BIRC6: variants seen among roughly 807,000 people sequenced by gnomAD.
BIRC6 encodes the protein dual E2 ubiquitin-conjugating enzyme/E3 ubiquitin-protein ligase BIRC6.
Under a neutral mutation model 503.3 loss-of-function variants are expected in BIRC6, and 98 were observed. The ratio of observed to expected loss-of-function variants is 0.19; its 90% CI spans 0.17 to 0.23. BIRC6 has a LOEUF of 0.23. Ranked by LOEUF, BIRC6 falls within the 10% of genes least tolerant of loss-of-function variation. The pLI is 1.00. For synonymous variants in BIRC6, 2,240 were observed against 2,078.7 expected (o/e 1.08, Z -2.11); for missense variants, 5,360 against 5,806.0 (o/e 0.92, Z 2.50).
chr2:32,478,406 AAATT>A (rs1367221794), intron 35 of BIRC6, among the ~76,000 whole-genome samples: 2 of 152,192 alleles, frequency 1.3e-5, no homozygotes, highest in African/African-American at 4.8e-5. Context: ...CTGTTCGTAG[AAATT>A]TAATTCTTAA....
At chr2:32,520,965 T>C (rs2055596428) in intron 57 of BIRC6, among the ~76,000 whole-genome samples, 7 of 152,198 alleles carry the variant, frequency 4.6e-5, no homozygotes, top group Admixed American at 4.6e-4. Flanking sequence ...TTTTAATTAG[T>C]CTTTACTGTG....
At chr2:32,509,702 C>T (rs1277602094) in intron 51 of BIRC6, 36 bp from the exon 52 acceptor site, 1 of 1,612,006 alleles carries the variant, frequency 6.2e-7, no homozygotes, top group East Asian at 2.2e-5. Flanking sequence ...ATTTGAGCGA[C>T]TTATATTGAT....
chr2:32,481,965 C>T (rs560818266), intron 38 of BIRC6, among the ~76,000 whole-genome samples: 1 of 152,068 alleles, frequency 6.6e-6, no homozygotes, highest in Non-Finnish European at 1.5e-5. Context: ...AGAAAACTTA[C>T]ATTTTTATTA....
intron 66 of BIRC6, among the ~76,000 whole-genome samples, chr2:32,583,921 G>A (rs930798784): frequency 6.6e-6 from 1 of 152,058 alleles, no homozygotes; most frequent in Admixed American, 6.6e-5. Flanking sequence ...TTGTAGAGAC[G>A]GAGGTTCGCC....
Position 32,357,131 on chromosome 2 carries a change from C to T in BIRC6, c.-31C>T, listed in dbSNP as rs567164357. On this transcript the variant is annotated 5_prime_UTR_variant, in exon 1 of 74. Coordinates refer to ENST00000421745, the MANE Select transcript of BIRC6 (RefSeq NM_016252.4). This position sits in a 1 kb window ranked among gnomAD's most constrained non-coding sequence, Gnocchi z 4.9. ...TGCGGGCGCCTGACTTCACTTCCGG[C>T]TAACGCGCTCGGCTTGCCCCCTGGC... The T allele has an allele frequency of 1.8e-5, 26 of 1,455,650 alleles. No individual in the cohort carries two copies. The highest frequency in any genetic ancestry group is 2.3e-5 in the Non-Finnish European group (26 of 1,117,824). 90.2% of individuals were successfully genotyped at this position (1,455,650 alleles called of 1,614,324 possible). A position where few individuals can be genotyped will look rare whatever the true frequency, so the allele number is the denominator to read the frequency against.
chr2:32,518,361 T>C lies in BIRC6; in HGVS notation c.11457T>C (p.Asp3819=), dbSNP rs2055285809. ...TATTTTTACAGTTGATGCTGGAAGA[T>C]GAGAAAGTGACAATGTTTCTTCAGT... The part of the protein sequence containing the change: ...RRLFLQLMLE[D]EKVTMFLQSP... Residue 3819 remains aspartate, a synonymous_variant, in exon 56 of 74, where the codon GAT becomes GAC. Transcript: ENST00000421745. The C allele has an allele frequency of 6.2e-7, 1 of 1,608,784 alleles. No individual in the cohort carries two copies.
chr2:32,374,639 A>G (rs1018168370), intron 1 of BIRC6, among the ~76,000 whole-genome samples: 5 of 151,104 alleles, frequency 3.3e-5, no homozygotes, highest in Admixed American at 2.0e-4. Flanking sequence ...CGCCCGGCTA[A>G]TTTTTTGTAT....
chr2:32,479,452 T>G lies in BIRC6; in HGVS notation c.7253-10T>G, dbSNP rs774576945. On this transcript the variant is annotated splice_polypyrimidine_tract_variant and intron_variant, in intron 36 of 73. Transcript: ENST00000421745. ...AAATTATTAAAACAGGACTATCCCCTTACATACAGGAGAATTACTGGCTCC... is the reference window on the plus strand; with the variant it reads ...AAATTATTAAAACAGGACTATCCCCGTACATACAGGAGAATTACTGGCTCC... The G allele has an allele frequency of 7.5e-6, 12 of 1,589,440 alleles. No homozygotes were observed. The highest frequency in any genetic ancestry group is 1.0e-5 in the Non-Finnish European group (12 of 1,166,922).
chr2:32,469,395 G>A lies in BIRC6; in HGVS notation c.6128G>A (p.Gly2043Glu), dbSNP rs1270754203. The A allele has an allele frequency of 6.2e-7, 1 of 1,609,514 alleles. No individual in the cohort carries two copies. Among genetic ancestry groups the A allele is most frequent in the Non-Finnish European group, 8.5e-7 (1 of 1,177,772 alleles). ...TLLSLLHASN[G>E]HSVPAVLQST... ...TTTACTGTTTTCTTTCTTGTAATAG[G>A]ACACTCTGTTCCTGCAGTTTTGCAG... Residue 2043 changes from glycine (G) to glutamate (E), a missense_variant and splice_region_variant, in exon 30 of 74, where the codon GGA becomes GAA. Around this residue, in one of 16 missense-constraint regions of BIRC6, gnomAD observed 2,299 missense variants for 2,267.2 expected, o/e 1.01. Coordinates refer to ENST00000421745, the MANE Select transcript of BIRC6 (RefSeq NM_016252.4).
At chr2:32,608,517 C>G (rs1478895872) in intron 72 of BIRC6, among the ~76,000 whole-genome samples, 2 of 152,074 alleles carry the variant, frequency 1.3e-5, no homozygotes, top group Non-Finnish European at 2.9e-5. Flanking sequence ...CAAGTTCAAG[C>G]TATTCTCCTG....
At chr2:32,467,388 A>T in intron 26 of BIRC6, 137 bp from the exon 27 acceptor site, 1 of 722,298 alleles carries the variant, frequency 1.4e-6, no homozygotes, top group Non-Finnish European at 2.2e-6. Flanking sequence ...GGCCATTTTT[A>T]CATATTTACT....
intron 9 of BIRC6, among the ~76,000 whole-genome samples, chr2:32,413,454 A>G (rs1382410628): frequency 6.6e-6 from 1 of 152,110 alleles, no homozygotes; most frequent in Non-Finnish European, 1.5e-5. Flanking sequence ...TGCTGGGATT[A>G]CAGGCATGAG....
At chr2:32,430,402 C>A (rs1386622465) in intron 11 of BIRC6, among the ~76,000 whole-genome samples, 1 of 152,130 alleles carries the variant, frequency 6.6e-6, no homozygotes, top group African/African-American at 2.4e-5. Flanking sequence ...GTAAGTATTT[C>A]TTTACCACAT....
chr2:32,454,025 T>A lies in BIRC6; in HGVS notation c.4753+83T>A, dbSNP rs564281019. ...TATTTATATATTTAAACATTATTTCTAATTATGTAATTTTCATTGCTGTTA... is the reference window on the plus strand; with the variant it reads ...TATTTATATATTTAAACATTATTTCAAATTATGTAATTTTCATTGCTGTTA... On this transcript the variant is annotated intron_variant, in intron 23 of 73. Transcript: ENST00000421745. 26 of 1,122,066 alleles carry A rather than the reference T, an allele frequency of 2.3e-5. 1 individual carries two copies. The South Asian group carries it at 4.4e-4, about 19-fold the overall frequency. The allele number at this position is 1,122,066 out of a possible 1,614,324, so 69.5% of individuals were successfully genotyped here. A position where few individuals can be genotyped will look rare whatever the true frequency, so the allele number is the denominator to read the frequency against.
At chr2:32,479,647 T>C in intron 37 of BIRC6, 30 bp downstream of exon 37, 1 of 1,493,790 alleles carries the variant, frequency 6.7e-7, no homozygotes, top group Non-Finnish European at 9.1e-7. Context: ...TTCTTCTTTA[T>C]TCTATTAAAT....
intron 1 of BIRC6, among the ~76,000 whole-genome samples, chr2:32,358,087 G>C (rs1455879613): frequency 2.0e-5 from 3 of 151,246 alleles, no homozygotes; most frequent in Non-Finnish European, 4.4e-5. Context: ...GGAAGTAGGC[G>C]GGCCAGCTGC....
In BIRC6 at chr2:32,509,884, C is replaced by T; in HGVS notation, c.10127C>T (p.Pro3376Leu). ...TCACCTTACTGTGGAATGCATTCACCCAACATCGAGGTTGTGCTTGTAAAG... is the reference window on the plus strand; with the variant it reads ...TCACCTTACTGTGGAATGCATTCACTCAACATCGAGGTTGTGCTTGTAAAG... ...LMSPYCGMHS[P>L]NIEVVLVKIG... The change falls in exon 52 of 74, where the codon CCC (proline) becomes CTC (leucine). Residue 3376 changes from proline (P) to leucine (L), a missense_variant. Pro to Leu is a moderately conservative substitution (Grantham distance 98, BLOSUM62 -3). Transcript: ENST00000421745. 1 of 1,613,914 alleles carries T rather than the reference C, an allele frequency of 6.2e-7. No homozygotes were observed. Among genetic ancestry groups the T allele is most frequent in the Non-Finnish European group, 8.5e-7 (1 of 1,179,872 alleles).
chr2:32,525,393 T>C (rs1381911302), intron 58 of BIRC6, 71 bp from the exon 59 acceptor site: 2 of 1,541,192 alleles, frequency 1.3e-6, no homozygotes, highest in Non-Finnish European at 9.0e-7. Flanking sequence ...TATTAAAATA[T>C]TTTAGGAACA....
chr2:32,388,294 A>ATCACTT lies in BIRC6; in HGVS notation c.646-455_646-450dup, dbSNP rs1319757313. 9.9e-5 allele frequency among the ~76,000 whole-genome samples: 15 copies of ATCACTT among 151,770 alleles called. 1 individual carries two copies. Among genetic ancestry groups the ATCACTT allele is most frequent in the African/African-American group, 3.6e-4 (15 of 41,316 alleles). Reference sequence around the variant, plus strand: ...TACTCAAGGAGGCTGAGGCAGGAGAATCACTTGAACCCAGGAGGCAGAGGT... The same window carrying ATCACTT: ...TACTCAAGGAGGCTGAGGCAGGAGAATCACTTTCACTTGAACCCAGGAGGCAGAGGT... On this transcript the variant is annotated intron_variant, in intron 3 of 73. Transcript: ENST00000421745.
Sources: allele counts gnomAD v4.1 joint callset (sites outside exome capture counted in the v4.1 genomes callset), GRCh38; gene constraint gnomAD v4.1.1; regional missense constraint gnomAD v4.1.1; non-coding constraint Gnocchi (gnomAD v3.1); transcripts MANE v1.5; gene names NCBI Gene and HGNC (gene_info 2026-07-23, HGNC 2026-07-21).